The following EEF2 variants were observed in gnomAD, a reference collection of about 807,000 sequenced individuals.
EEF2 encodes elongation factor 2.
Under a neutral mutation model 85.3 loss-of-function variants are expected in EEF2, and 21 were observed. The ratio of observed to expected loss-of-function variants is 0.25; its 90% CI spans 0.17 to 0.35. The LOEUF (loss-of-function observed/expected upper bound fraction) is 0.35. Among genes scored for constraint, EEF2 ranks in the 10% least tolerant of loss-of-function variants. The probability of loss-of-function intolerance (pLI) is 1.00; values close to 1 mark genes in which losing one functional copy is unlikely to be tolerated. For missense variants in EEF2, 825 were observed against 1,225.3 expected (o/e 0.67, Z 4.88); for synonymous variants, 723 against 508.8 (o/e 1.42, Z -5.67).
intron 9 of EEF2, 133 bp from the exon 10 acceptor site, chr19:3,980,199 C>G: frequency 7.6e-7 from 1 of 1,311,784 alleles, no homozygotes; most frequent in Non-Finnish European, 1.0e-6. Flanking sequence ...TCCACAAGGC[C>G]CTGACTGCTG....
At position 3,981,383 on chromosome 19, in the gene EEF2, G is replaced by A. The variant is rs766383888; in HGVS notation, c.967C>T (p.Leu323=). The change falls in exon 7 of 15, where the codon CTG becomes TTG. Residue 323 remains leucine, a synonymous_variant. Coordinates refer to ENST00000309311, the MANE Select transcript of EEF2 (RefSeq NM_001961.4). ...AKLIEKLDIK[L]DSEDKDKEGK... ...TCTTTGTCCTTGTCCTCGCTGTCCA[G>A]TTTGATGTCCAGTTTCTCTATCAGT... The A allele has an allele frequency of 3.1e-6, 5 of 1,614,244 alleles. No individual in the cohort carries two copies. Among genetic ancestry groups the A allele is most frequent in the South Asian group, 2.2e-5 (2 of 91,086 alleles).
rs780288555 is a variant in EEF2, at chr19:3,982,442, G to C, written c.613-18C>G. 1.2e-6 allele frequency: 2 copies of C among 1,613,654 alleles called. No individual in the cohort carries two copies. Among genetic ancestry groups the C allele is most frequent in the African/African-American group, 2.7e-5 (2 of 74,944 alleles). On this transcript the variant is annotated intron_variant, in intron 4 of 14. Transcript: ENST00000309311. ...GGATCGATCTGGAAGTGTGAGAAAC[G>C]AGAAGCAGCCGTGAGGGCCCCTGCG...
rs767354850 is a variant in EEF2, at chr19:3,981,927, C to T, written c.897+20G>A. 6.2e-7 allele frequency: 1 copy of T among 1,610,476 alleles called. No homozygotes were observed. Among genetic ancestry groups the T allele is most frequent in the Admixed American group, 1.7e-5 (1 of 59,914 alleles). ...GCCAATAGTCGCATCGGCGGGGTGC[C>T]TGGCGCAGCCCTCACTCACCTTGAA... On this transcript the variant is annotated intron_variant, in intron 6 of 14. Transcript: ENST00000309311.
chr19:3,980,121 G>A (rs751078833), intron 9 of EEF2, 55 bp from the exon 10 acceptor site: 13 of 1,576,956 alleles, frequency 8.2e-6, no homozygotes, highest in Non-Finnish European at 1.1e-5. Flanking sequence ...CTGGACCCTG[G>A]AGGGCCAGGG....
At chr19:3,981,755 G>T (rs1481354833) in intron 6 of EEF2, among the ~76,000 whole-genome samples, 192 bp downstream of exon 6, 2 of 152,240 alleles carry the variant, frequency 1.3e-5, no homozygotes, top group Admixed American at 1.3e-4. Context: ...AGGTCCCAAG[G>T]CTCTGGCTAT....
chr19:3,980,114 G>C (rs570736927), intron 9 of EEF2, 48 bp from the exon 10 acceptor site: 3 of 1,584,534 alleles, frequency 1.9e-6, no homozygotes, highest in African/African-American at 1.3e-5. Flanking sequence ...GGTTGTGCTG[G>C]ACCCTGGAGG....
At position 3,984,159 on chromosome 19, in the gene EEF2, C is replaced by T. The variant is rs745915723; in HGVS notation, c.195G>A (p.Glu65=). ...ACGTTGACTTGATGGTGATGCAACG[C>T]TCCTGCTCGTCCTTCCGGGTATCAG... ...RFTDTRKDEQ[E]RCITIKSTAI... The change falls in exon 2 of 15, where the codon GAG becomes GAA. Residue 65 remains glutamate, a synonymous_variant. Transcript: ENST00000309311. 3.7e-6 allele frequency: 6 copies of T among 1,613,980 alleles called. No homozygotes were observed. The highest frequency in any genetic ancestry group is 2.2e-5 in the East Asian group (1 of 44,884).
rs34971756 is a variant in EEF2 at position 3,980,983 on chromosome 19, C to CG, written c.1012-5dup. ...GCAGCCAGCGGCGCATCACAGCCTG[C>CG]GGGGGCAGAGAGCGGTGCATGAGAC... On this transcript the variant is annotated splice_region_variant and splice_polypyrimidine_tract_variant and intron_variant, in intron 7 of 14. Coordinates refer to ENST00000309311, the MANE Select transcript of EEF2 (RefSeq NM_001961.4). The CG allele has an allele frequency of 6.4e-7, 1 of 1,568,726 alleles. No homozygotes were observed.
chr19:3,978,847 C>G lies in EEF2; in HGVS notation c.1713+482G>C, dbSNP rs375127000. The stretch of plus-strand genomic sequence containing the variant: ...AAAAAAAAAATAGCCCTGGGCCAGG[C>G]ATGGTGGCTCACACCTGTAATCCCA... On this transcript the variant is annotated intron_variant, in intron 11 of 14. Transcript: ENST00000309311. Among the ~76,000 whole-genome samples the G allele has an allele frequency of 9.2e-5, 12 of 130,958 alleles. No homozygotes were observed. In the East Asian group the frequency reaches 2.1e-3, roughly 23 times the overall value. The allele number at this position is 130,958 out of a possible 152,430, so 85.9% of individuals were successfully genotyped here.
Position 3,976,178 on chromosome 19 carries a change from T to C in EEF2, c.*376A>G. ...TACCCGCGTGTTCCTTTCCCCTTTC[T>C]GGGGCAAAAGCCACTGCGGGCCATG... On this transcript the variant is annotated 3_prime_UTR_variant, in exon 15 of 15. Coordinates refer to ENST00000309311, the MANE Select transcript of EEF2 (RefSeq NM_001961.4). 1 of 248,378 alleles carries C rather than the reference T, an allele frequency of 4.0e-6. No individual in the cohort carries two copies. Among genetic ancestry groups the C allele is most frequent in the South Asian group, 4.7e-5 (1 of 21,478 alleles). The allele number at this position is 248,378 out of a possible 1,614,324, so 15.4% of individuals were successfully genotyped here.
intron 2 of EEF2, chr19:3,983,834 C>T: frequency 2.2e-6 from 1 of 455,202 alleles, no homozygotes; most frequent in Non-Finnish European, 4.0e-6. Flanking sequence ...AGAACACCCT[C>T]CCCTCCCAGG....
In EEF2 at chr19:3,980,079, G is replaced by A. The variant is rs758246997; in HGVS notation, c.1347-13C>T. On this transcript the variant is annotated splice_polypyrimidine_tract_variant and intron_variant, in intron 9 of 14. Coordinates refer to ENST00000309311, the MANE Select transcript of EEF2 (RefSeq NM_001961.4). ...CATCAAGATTGTTCTGGAAGAAGCA[G>A]AAGGCGGCAGCAGGCCGCAGGGATG... 9 of 1,608,604 alleles carry A rather than the reference G, an allele frequency of 5.6e-6. No homozygotes were observed. Among genetic ancestry groups the A allele is most frequent in the Admixed American group, 1.7e-5 (1 of 59,952 alleles).
intron 11 of EEF2, among the ~76,000 whole-genome samples, chr19:3,978,969 C>G (rs1351780609): frequency 2.0e-5 from 3 of 150,064 alleles, no homozygotes; most frequent in Non-Finnish European, 3.0e-5. Context: ...ACTAAAAATA[C>G]AAAAAAAAAT....
chr19:3,984,557 A>G (rs2039795696), intron 1 of EEF2, among the ~76,000 whole-genome samples: 1 of 152,240 alleles, frequency 6.6e-6, no homozygotes, highest in African/African-American at 2.4e-5. Flanking sequence ...GGTGTCATTC[A>G]TGATTGACAA....
intron 10 of EEF2, 97 bp from the exon 11 acceptor site, chr19:3,979,533 A>G: frequency 8.9e-7 from 1 of 1,129,782 alleles, no homozygotes; most frequent in African/African-American, 1.6e-5. Context: ...CCGCCAGAAC[A>G]AGATTTCAGG....
intron 9 of EEF2, 130 bp from the exon 10 acceptor site, chr19:3,980,196 G>C: frequency 7.6e-7 from 1 of 1,314,832 alleles, no homozygotes; most frequent in Non-Finnish European, 1.0e-6. Context: ...GCTTCCACAA[G>C]GCCCTGACTG....
In EEF2 at chr19:3,985,435, C is replaced by G; in HGVS notation, c.-55G>C. The stretch of plus-strand genomic sequence containing the variant: ...TAGAACCGAAAGAAGCGAGTCGCGC[C>G]GAGGATGGCGGCGACGACGGCGGAA... On this transcript the variant is annotated 5_prime_UTR_variant, in exon 1 of 15. Coordinates refer to ENST00000309311, the MANE Select transcript of EEF2 (RefSeq NM_001961.4). The G allele has an allele frequency of 2.1e-6, 3 of 1,455,544 alleles. No homozygotes were observed. The highest frequency in any genetic ancestry group is 1.4e-5 in the South Asian group (1 of 71,572). 90.2% of individuals were successfully genotyped at this position (1,455,544 alleles called of 1,614,324 possible).
intron 11 of EEF2, 109 bp from the exon 12 acceptor site, chr19:3,978,281 A>G: frequency 1.1e-6 from 1 of 903,026 alleles, no homozygotes; most frequent in East Asian, 2.9e-5. Flanking sequence ...ACAGCCTGGT[A>G]GAGCCACGTC....
chr19:3,983,976 A>G (rs2039788347), intron 2 of EEF2, 160 bp downstream of exon 2: 5 of 752,668 alleles, frequency 6.6e-6, no homozygotes, highest in Non-Finnish European at 1.1e-5. Flanking sequence ...GTGCCTCTCC[A>G]TCCTGTCTCG....
Sources: gnomAD v4.1 joint callset for allele counts (sites outside exome capture counted in the v4.1 genomes callset) on GRCh38, gnomAD v4.1.1 for gene constraint, MANE v1.5 for transcripts, NCBI Gene and HGNC (gene_info 2026-07-23, HGNC 2026-07-21) for gene names.